Variants in CHM observed in about 807,000 individuals in gnomAD.
CHM encodes the protein CHM Rab escort protein, also known as rab proteins geranylgeranyltransferase component A 1.
In CHM, 10 loss-of-function variants were observed where a neutral mutation model predicts 49.0. That is an observed-to-expected ratio of 0.20 (90% CI 0.13 to 0.35). The LOEUF (loss-of-function observed/expected upper bound fraction) is 0.35. Ranked by LOEUF, CHM falls within the 10% of genes least tolerant of loss-of-function variation. The probability of loss-of-function intolerance (pLI) is 1.00; values close to 1 mark genes in which losing one functional copy is unlikely to be tolerated. For synonymous variants in CHM, 184 were observed against 167.5 expected, an observed-to-expected ratio of 1.10 and a Z score of -0.76; for missense variants, 455 against 478.4, an observed-to-expected ratio of 0.95 and a Z score of 0.46.
chrX:85,968,947 T>C (rs1930725527), intron 4 of CHM: 6 of 282,703 alleles, frequency 2.1e-5, no homozygotes, highest in Non-Finnish European at 2.9e-5. Flanking sequence ...TAATTTCCTC[T>C]AAACTGTAAA....
At chrX:85,939,528 A>G (rs963459696) in intron 8 of CHM, among the ~76,000 whole-genome samples, 8 of 112,394 alleles carry the variant, frequency 7.1e-5, no homozygotes, top group African/African-American at 2.6e-4. Flanking sequence ...AAGTATGCAT[A>G]TATGTACTCA....
chrX:85,901,173 T>C lies in CHM; in HGVS notation c.1260A>G (p.Ile420Met). 2 of 1,164,270 alleles carry C rather than the reference T, an allele frequency of 1.7e-6. No homozygotes were observed. The highest frequency in any genetic ancestry group is 1.2e-6 in the Non-Finnish European group (1 of 858,534). Residue 420 changes from isoleucine to methionine, a missense_variant, in exon 10 of 15, where the codon ATA becomes ATG. Physicochemically the swap from Ile to Met is conservative, Grantham distance 10 (BLOSUM62 1). Coordinates refer to ENST00000357749, the MANE Select transcript of CHM (RefSeq NM_000390.4). ...DKESRKCKAI[I>M]DQFGQRIISE... ...AGATTATTCTCTGACCAAACTGATC[T>C]ATAATTGCTTTACATCTATAAAGAA...
In CHM at chrX:85,963,977, G is replaced by A; in HGVS notation, c.390C>T (p.Ser130=). The A allele has an allele frequency of 8.3e-7, 1 of 1,209,008 alleles. No individual in the cohort carries two copies. Among genetic ancestry groups the A allele is most frequent in the Non-Finnish European group, 1.1e-6 (1 of 893,924 alleles). ...KNHALVTSAN[S]TEAADSAFLP... is the part of the protein sequence containing the mutation. The stretch of plus-strand genomic sequence containing the variant: ...GGAAGGCAGAATCTGCAGCTTCTGT[G>A]GAGTTTGCAGATGTCACAAGAGCAT... The change falls in exon 5 of 15, where the codon TCC becomes TCT. Residue 130 remains serine, a synonymous_variant. Coordinates refer to ENST00000357749, the MANE Select transcript of CHM (RefSeq NM_000390.4).
Position 86,003,742 on chromosome X carries a change from C to T in CHM, c.117-21933G>A, listed in dbSNP as rs972631208. On this transcript the variant is annotated intron_variant, in intron 2 of 14. Coordinates refer to ENST00000357749, the MANE Select transcript of CHM (RefSeq NM_000390.4). ...GAGTAAAAAGAAACGAACAAAGCCT[C>T]CAAGAAATATGGGGCTATGTGAAAA... is the stretch of plus-strand genomic sequence containing the variant. Among the ~76,000 whole-genome samples, 3 of 111,614 alleles carry T rather than the reference C, an allele frequency of 2.7e-5. No individual in the cohort carries two copies. In the East Asian group the frequency reaches 8.4e-4, roughly 31 times the overall value.
At chrX:85,975,727 G>T (rs908153605) in intron 4 of CHM, among the ~76,000 whole-genome samples, 1 of 112,220 alleles carries the variant, frequency 8.9e-6, no homozygotes, top group Non-Finnish European at 1.9e-5. Flanking sequence ...TGATAGAACT[G>T]TTCTGCTCTG....
chrX:85,935,786 G>A (rs961410363), intron 8 of CHM, among the ~76,000 whole-genome samples: 5 of 111,893 alleles, frequency 4.5e-5, no homozygotes, highest in Admixed American at 9.5e-5. Context: ...TTAAGCAAGC[G>A]TGAATCTACT....
At chrX:85,897,300 T>TGTGC (rs1401071323) in intron 11 of CHM, among the ~76,000 whole-genome samples, 19 of 92,981 alleles carry the variant, frequency 2.0e-4, no homozygotes, top group African/African-American at 7.9e-4. Flanking sequence ...AAAATGCTTG[T>TGTGC]GTGTGCGTGT....
At position 85,974,718 on chromosome X, in the gene CHM, C is replaced by T. The variant is rs191918440; in HGVS notation, c.314+4049G>A. On this transcript the variant is annotated intron_variant, in intron 4 of 14. Transcript: ENST00000357749. ...AAACAAAAAAGAACACTGATCTAAA[C>T]GTACAACATAAAACTATAATTAAAA... Among the ~76,000 whole-genome samples, 14 of 109,161 alleles carry T rather than the reference C, an allele frequency of 1.3e-4. No individual in the cohort carries two copies. The East Asian group carries it at 3.2e-3, about 25-fold the overall frequency. 94.8% of individuals were successfully genotyped at this position (109,161 alleles called of 115,157 possible).
intron 2 of CHM, among the ~76,000 whole-genome samples, chrX:85,987,988 C>G (rs765618153): frequency 2.3e-4 from 26 of 111,837 alleles, no homozygotes; most frequent in African/African-American, 8.4e-4. Flanking sequence ...ATGAGGGACT[C>G]CTCCCCAACT....
At chrX:86,028,653 T>C (rs1051108391) in intron 1 of CHM, among the ~76,000 whole-genome samples, 1 of 112,171 alleles carries the variant, frequency 8.9e-6, no homozygotes, top group East Asian at 2.8e-4. Context: ...AGTTTTCTAT[T>C]TGATAGTTAA....
At chrX:85,971,295 AAAG>A (rs1930887253) in intron 4 of CHM, 1 of 699,753 alleles carries the variant, frequency 1.4e-6, no homozygotes, top group Non-Finnish European at 1.7e-6. Flanking sequence ...TCACTGACTT[AAAG>A]AATGAAGCCG....
intron 8 of CHM, among the ~76,000 whole-genome samples, chrX:85,940,686 C>G (rs6623545): frequency 2.5e-4 from 28 of 111,156 alleles, no homozygotes; most frequent in African/African-American, 8.8e-4. Context: ...CCATGAGTCT[C>G]TGAAACAATT....
chrX:85,910,563 G>A (rs1354705579), intron 9 of CHM, among the ~76,000 whole-genome samples: 1 of 111,534 alleles, frequency 9.0e-6, no homozygotes, highest in Non-Finnish European at 1.9e-5. Flanking sequence ...AAAATACACA[G>A]TAAACAGATG....
chrX:85,964,950 T>C (rs1216176915), intron 4 of CHM, among the ~76,000 whole-genome samples: 1 of 112,711 alleles, frequency 8.9e-6, no homozygotes, highest in Non-Finnish European at 1.9e-5. Context: ...GTGATTGGTC[T>C]TGGCAAGTAA....
At chrX:85,985,388 C>T (rs1165578013) in intron 2 of CHM, among the ~76,000 whole-genome samples, 4 of 112,324 alleles carry the variant, frequency 3.6e-5, no homozygotes, top group Non-Finnish European at 7.5e-5. Context: ...CCAGTGTTCT[C>T]TGGCCAAAAG....
intron 7 of CHM, 64 bp downstream of exon 7, chrX:85,957,791 C>A: frequency 2.6e-6 from 3 of 1,165,510 alleles, no homozygotes; most frequent in Non-Finnish European, 2.3e-6. Flanking sequence ...TAAATCAGAG[C>A]AAGCATATTA....
At position 85,863,739 on chromosome X, in the gene CHM, A is replaced by G. The variant is rs1923517986; in HGVS notation, c.*891T>C. 1 of 112,212 alleles carries G rather than the reference A, an allele frequency of 8.9e-6. No homozygotes were observed. Among genetic ancestry groups the G allele is most frequent in the Non-Finnish European group, 1.9e-5 (1 of 53,281 alleles). The allele number at this position is 112,212 out of a possible 1,213,427, so 9.2% of individuals were successfully genotyped here. On this transcript the variant is annotated 3_prime_UTR_variant, in exon 15 of 15. Coordinates refer to ENST00000357749, the MANE Select transcript of CHM (RefSeq NM_000390.4). ...TTCTTCTGGCAAACCGATTCTAAACATGGCATTGCATTGTCTTCATAACCA... is the reference window on the plus strand; with the variant it reads ...TTCTTCTGGCAAACCGATTCTAAACGTGGCATTGCATTGTCTTCATAACCA...
intron 4 of CHM, chrX:85,969,458 A>T (rs1289674961): frequency 1.3e-5 from 9 of 710,236 alleles, no homozygotes; most frequent in Admixed American, 8.8e-5. Context: ...ATAAACTATG[A>T]AACTATTACA....
chrX:85,955,117 C>A (rs749144080), intron 8 of CHM, among the ~76,000 whole-genome samples: 1 of 110,429 alleles, frequency 9.1e-6, no homozygotes, highest in Admixed American at 9.6e-5. Context: ...GAGGGGGCAG[C>A]GGATAAGTAG....
Sources: allele counts gnomAD v4.1 joint callset (sites outside exome capture counted in the v4.1 genomes callset), GRCh38; gene constraint gnomAD v4.1.1; transcripts MANE v1.5; gene names NCBI Gene and HGNC (gene_info 2026-07-23, HGNC 2026-07-21).